CCDC171: variants seen among roughly 807,000 people sequenced by gnomAD.
CCDC171 encodes coiled-coil domain-containing protein 171.
In CCDC171, 177 loss-of-function variants were observed where a neutral mutation model predicts 168.2. The ratio of observed to expected loss-of-function variants is 1.05; its 90% confidence interval spans 0.93 to 1.19. The LOEUF (loss-of-function observed/expected upper bound fraction) is 1.19, where lower values mean the gene tolerates loss of function less well. Ranked by LOEUF, CCDC171 falls within the 50% of genes most tolerant of loss-of-function variation. The pLI, the probability that CCDC171 is intolerant of heterozygous loss-of-function variation, is 0.00. For missense variants in CCDC171, 1,991 were observed against 1,539.0 expected (o/e 1.29, Z -4.91); for synonymous variants, 687 against 540.8 (o/e 1.27, Z -3.75).
At position 15,640,988 on chromosome 9, in the gene CCDC171, C is replaced by T. The variant is rs142734186; in HGVS notation, c.823-16139C>T. On this transcript the variant is annotated intron_variant, in intron 7 of 25. Transcript: ENST00000380701. ...TAACATGCATATAATAAAATATTAA[C>T]AGCTATTAAAATGTAACAAAATAAA... 4.0e-3 allele frequency among the ~76,000 whole-genome samples: 604 copies of T among 151,994 alleles called. 6 individuals carry two copies. The highest frequency in any genetic ancestry group is 0.014 in the African/African-American group (572 of 41,482).
At chr9:15,600,130 C>T (rs762060904) in intron 6 of CCDC171, among the ~76,000 whole-genome samples, 2 of 152,218 alleles carry the variant, frequency 1.3e-5, no homozygotes, top group Non-Finnish European at 2.9e-5. Context: ...AAGCCTTCTT[C>T]TCTCAACTCG....
chr9:15,817,757 T>C lies in CCDC171; in HGVS notation c.3268-28945T>C, dbSNP rs200369374. Among the ~76,000 whole-genome samples, 3 of 118,788 alleles carry C rather than the reference T, an allele frequency of 2.5e-5. 1 individual carries two copies. The South Asian group carries it at 8.2e-4, about 32-fold the overall frequency. 77.9% of individuals were successfully genotyped at this position (118,788 alleles called of 152,430 possible). ...GAGGACTGCCTGCCTCTGTAGGCTCTACCTCTGGGGGCAGGGCACAGACAA... is the reference window on the plus strand; with the variant it reads ...GAGGACTGCCTGCCTCTGTAGGCTCCACCTCTGGGGGCAGGGCACAGACAA... On this transcript the variant is annotated intron_variant, in intron 21 of 25. Transcript: ENST00000380701.
At chr9:16,065,301 C>T (rs1833979104), downstream of CCDC171, among the ~76,000 whole-genome samples, 1 of 152,096 alleles carries the variant, frequency 6.6e-6, no homozygotes, top group African/African-American at 2.4e-5. Flanking sequence ...AGCTGGCTGG[C>T]TGTGTGTAGT....
downstream of CCDC171, among the ~76,000 whole-genome samples, chr9:15,974,342 C>T (rs923585480): frequency 6.6e-6 from 1 of 152,086 alleles, no homozygotes; most frequent in Non-Finnish European, 1.5e-5. Flanking sequence ...CCTTAGTGAC[C>T]AATTGCTGCA....
intron 7 of CCDC171, among the ~76,000 whole-genome samples, chr9:15,624,093 G>C (rs1292279233): frequency 2.0e-5 from 3 of 152,098 alleles, no homozygotes; most frequent in Non-Finnish European, 1.5e-5. Context: ...TAATGGCAAA[G>C]TACTAGAGTT....
intron 6 of CCDC171, among the ~76,000 whole-genome samples, chr9:16,029,993 G>A (rs538873594): frequency 1.7e-4 from 26 of 152,318 alleles, no homozygotes; most frequent in Admixed American, 1.2e-3. Context: ...CTGGTAAGGG[G>A]CTGTTCCTCA....
At chr9:15,950,142 C>T (rs977409739) in intron 25 of CCDC171, among the ~76,000 whole-genome samples, 3 of 152,078 alleles carry the variant, frequency 2.0e-5, no homozygotes, top group African/African-American at 4.8e-5. Flanking sequence ...ACCAAATCTA[C>T]GTCTGATTGG....
chr9:15,568,129 T>A (rs2039896857), intron 2 of CCDC171, among the ~76,000 whole-genome samples: 1 of 152,162 alleles, frequency 6.6e-6, no homozygotes, highest in African/African-American at 2.4e-5. Context: ...AGTCTGTTTT[T>A]TCTTAGTGGA....
chr9:15,999,718 C>G (rs73413984), intron 3 of CCDC171, among the ~76,000 whole-genome samples: 17 of 152,336 alleles, frequency 1.1e-4, no homozygotes, highest in African/African-American at 3.8e-4. Context: ...CTCAATTCTA[C>G]TGCTCCTACA....
intron 7 of CCDC171, among the ~76,000 whole-genome samples, chr9:15,625,177 T>G (rs556634966): frequency 6.6e-6 from 1 of 152,320 alleles, no homozygotes; most frequent in South Asian, 2.1e-4. Flanking sequence ...GATTTTTTCT[T>G]GTAAATTTGT....
chr9:15,610,483 T>TAAAAAAAAAAAAA (rs1351393897), intron 6 of CCDC171, among the ~76,000 whole-genome samples: 1 of 43,094 alleles, frequency 2.3e-5, no homozygotes, highest in African/African-American at 8.5e-5. Context: ...AAAAAAAAAC[T>TAAAAAAAAAAAAA]GGGCGTGGTG....
chr9:15,904,400 G>A (rs898098604), intron 24 of CCDC171, among the ~76,000 whole-genome samples: 4 of 152,104 alleles, frequency 2.6e-5, no homozygotes, highest in African/African-American at 9.7e-5. Context: ...TTTCAACCCA[G>A]AATTTCTTAT....
intron 24 of CCDC171, among the ~76,000 whole-genome samples, chr9:15,904,235 A>G (rs1822161957): frequency 6.6e-6 from 1 of 152,156 alleles, no homozygotes; most frequent in African/African-American, 2.4e-5. Context: ...CAGATTCACC[A>G]AAGTTGAAAT....
At chr9:15,577,749 A>G (rs2040784995) in intron 3 of CCDC171, among the ~76,000 whole-genome samples, 1 of 152,204 alleles carries the variant, frequency 6.6e-6, no homozygotes, top group Non-Finnish European at 1.5e-5. Flanking sequence ...AACTGCTTCT[A>G]TTCCCAAGGT....
At chr9:16,101,843 T>C in the CCDC171 span, among the ~76,000 whole-genome samples, 1 of 152,164 alleles carries the variant, frequency 6.6e-6, no homozygotes, top group Non-Finnish European at 1.5e-5. Context: ...GCCAACAACC[T>C]GAGAGCTGGG....
intron 6 of CCDC171, among the ~76,000 whole-genome samples, chr9:15,595,358 C>G (rs1466730888): frequency 6.6e-6 from 1 of 152,144 alleles, no homozygotes; most frequent in Non-Finnish European, 1.5e-5. Context: ...TCCATGTGTT[C>G]TCACTGTTCA....
intron 18 of CCDC171, among the ~76,000 whole-genome samples, chr9:15,774,504 G>T (rs1171990156): frequency 1.3e-5 from 2 of 152,170 alleles, no homozygotes; most frequent in East Asian, 1.9e-4. Flanking sequence ...TACACTGTTT[G>T]TGGGAATGTA....
intron 21 of CCDC171, among the ~76,000 whole-genome samples, chr9:15,829,677 T>TG (rs2060150871): frequency 6.6e-6 from 1 of 152,162 alleles, no homozygotes; most frequent in South Asian, 2.1e-4. Context: ...CCCAGCACTT[T>TG]GGGAGGCCGA....
At chr9:15,852,611 T>G (rs1392234574) in intron 23 of CCDC171, among the ~76,000 whole-genome samples, 4 of 151,784 alleles carry the variant, frequency 2.6e-5, no homozygotes, top group Admixed American at 6.6e-5. Context: ...TTTTTCTTGC[T>G]GCTGCTTATG....
Sources: gnomAD v4.1 joint callset for allele counts (sites outside exome capture counted in the v4.1 genomes callset) on GRCh38, gnomAD v4.1.1 for gene constraint, MANE v1.5 for transcripts, NCBI Gene and HGNC (gene_info 2026-07-23, HGNC 2026-07-21) for gene names.